Variants in SLC15A2 observed in about 807,000 individuals in gnomAD.
The protein encoded by SLC15A2 is solute carrier family 15 member 2, also known as kidney H(+)/peptide cotransporter.
Under a neutral mutation model 95.5 loss-of-function variants are expected in SLC15A2, and 77 were observed. That is an observed-to-expected ratio of 0.81 (90% CI 0.67 to 0.97). SLC15A2 has a LOEUF of 0.97. Among genes scored for constraint, SLC15A2 ranks in the 50% least tolerant of loss-of-function variants. SLC15A2 has a pLI of 0.00. For missense variants in SLC15A2, 893 were observed against 874.4 expected (o/e 1.02, Z -0.27); for synonymous variants, 306 against 306.9 (o/e 1.00, Z 0.03).
Position 121,927,738 on chromosome 3 carries a change from G to T in SLC15A2, c.1125-20G>T, listed in dbSNP as rs765043444. 2 of 1,588,972 alleles carry T rather than the reference G, an allele frequency of 1.3e-6. No homozygotes were observed. Among genetic ancestry groups the T allele is most frequent in the East Asian group, 4.5e-5 (2 of 44,712 alleles). On this transcript the variant is annotated intron_variant, in intron 13 of 21. Coordinates refer to ENST00000489711, the MANE Select transcript of SLC15A2 (RefSeq NM_021082.4). Reference sequence around the variant, plus strand: ...TAGAGTCTAAAGTTTAGATATAATTGTTTCTCCTTTCCACCACAGATCACT... The same window carrying T: ...TAGAGTCTAAAGTTTAGATATAATTTTTTCTCCTTTCCACCACAGATCACT...
chr3:121,907,118 C>T (rs1387239880), intron 3 of SLC15A2, among the ~76,000 whole-genome samples: 1 of 152,186 alleles, frequency 6.6e-6, no homozygotes, highest in Non-Finnish European at 1.5e-5. Flanking sequence ...ATCACTGATA[C>T]CCTTTTTTCC....
intron 17 of SLC15A2, 119 bp from the exon 18 acceptor site, chr3:121,930,721 C>T: frequency 1.6e-6 from 1 of 612,926 alleles, no homozygotes. Context: ...ATGTGCCAGC[C>T]ACTATCCTAG....
intron 2 of SLC15A2, 49 bp downstream of exon 2, chr3:121,896,542 C>T: frequency 2.1e-6 from 3 of 1,411,280 alleles, no homozygotes; most frequent in South Asian, 2.3e-5. Flanking sequence ...CCCACCCTCA[C>T]CCCATGTTTG....
intron 11 of SLC15A2, among the ~76,000 whole-genome samples, chr3:121,923,649 G>A (rs1307391177): frequency 1.3e-5 from 2 of 152,156 alleles, no homozygotes. Context: ...CACAGCAGGG[G>A]ACCTGTGGGA....
chr3:121,908,099 T>G (rs1709692158), intron 3 of SLC15A2, among the ~76,000 whole-genome samples: 1 of 152,154 alleles, frequency 6.6e-6, no homozygotes, highest in Non-Finnish European at 1.5e-5. Flanking sequence ...CAGATGCCCC[T>G]CCCCCTACTA....
chr3:121,916,804 G>T (rs1479606307), intron 7 of SLC15A2, among the ~76,000 whole-genome samples: 1 of 151,970 alleles, frequency 6.6e-6, no homozygotes, highest in Non-Finnish European at 1.5e-5. Flanking sequence ...ATCTTTTACT[G>T]TAATTAATTT....
intron 1 of SLC15A2, among the ~76,000 whole-genome samples, chr3:121,894,966 T>A (rs1441696387): frequency 6.6e-6 from 1 of 152,216 alleles, no homozygotes; most frequent in Non-Finnish European, 1.5e-5. Context: ...GTGCAGAGTC[T>A]TCTGCTGAAC....
chr3:121,907,912 T>C (rs1223829868), intron 3 of SLC15A2, among the ~76,000 whole-genome samples: 1 of 152,256 alleles, frequency 6.6e-6, no homozygotes, highest in Non-Finnish European at 1.5e-5. Context: ...TCTTCAGAGC[T>C]GTCAGACAGG....
intron 3 of SLC15A2, among the ~76,000 whole-genome samples, chr3:121,907,438 T>A (rs1325895489): frequency 6.6e-6 from 1 of 152,174 alleles, no homozygotes; most frequent in Non-Finnish European, 1.5e-5. Context: ...GGCACTCTGG[T>A]TTTTAGAATT....
At chr3:121,916,403 G>A (rs1709894644) in intron 7 of SLC15A2, among the ~76,000 whole-genome samples, 1 of 152,108 alleles carries the variant, frequency 6.6e-6, no homozygotes, top group Non-Finnish European at 1.5e-5. Flanking sequence ...CTGAGCCTCA[G>A]AGTGACACCC....
chr3:121,918,963 G>A (rs1352919527), intron 7 of SLC15A2, among the ~76,000 whole-genome samples: 1 of 152,156 alleles, frequency 6.6e-6, no homozygotes, highest in South Asian at 2.1e-4. Flanking sequence ...GGCCCACTGG[G>A]CTCGCTCAGC....
chr3:121,914,925 A>G, intron 5 of SLC15A2: 1 of 916,296 alleles, frequency 1.1e-6, no homozygotes, highest in Non-Finnish European at 1.3e-6. Flanking sequence ...ATGCAAAGAC[A>G]TTAATATTAG....
At chr3:121,924,420 T>C (rs1710070947) in intron 12 of SLC15A2, 37 bp downstream of exon 12, 14 of 1,577,732 alleles carry the variant, frequency 8.9e-6, no homozygotes, top group Non-Finnish European at 8.7e-6. Flanking sequence ...GACTTATTTG[T>C]TTCCTTATCT....
chr3:121,897,239 C>T lies in SLC15A2; in HGVS notation c.194-149C>T. On this transcript the variant is annotated intron_variant, in intron 2 of 21. Coordinates refer to ENST00000489711, the MANE Select transcript of SLC15A2 (RefSeq NM_021082.4). ...ATGGGGCCCTGCTTCTACTGCCTGGCAGTCACTTCTCAGTCATGTCACTGA... is the reference window on the plus strand; with the variant it reads ...ATGGGGCCCTGCTTCTACTGCCTGGTAGTCACTTCTCAGTCATGTCACTGA... 3.7e-6 allele frequency: 3 copies of T among 812,908 alleles called. No individual in the cohort carries two copies. The East Asian group carries it at 7.7e-5, about 21-fold the overall frequency. 50.4% of individuals were successfully genotyped at this position (812,908 alleles called of 1,614,324 possible).
chr3:121,915,472 C>A, intron 6 of SLC15A2, 144 bp from the exon 7 acceptor site: 5 of 793,220 alleles, frequency 6.3e-6, no homozygotes, highest in Middle Eastern at 4.7e-4. Flanking sequence ...AAAAGAAGAA[C>A]TATGGATTAG....
chr3:121,913,174 G>T lies in SLC15A2; in HGVS notation c.528+54G>T, dbSNP rs1262525991. 7 of 1,376,502 alleles carry T rather than the reference G, an allele frequency of 5.1e-6. No homozygotes were observed. The African/African-American group carries it at 8.5e-5, about 17-fold the overall frequency. The allele number at this position is 1,376,502 out of a possible 1,614,324, so 85.3% of individuals were successfully genotyped here. On this transcript the variant is annotated intron_variant, in intron 5 of 21. Coordinates refer to ENST00000489711, the MANE Select transcript of SLC15A2 (RefSeq NM_021082.4). Reference sequence around the variant, plus strand: ...AGAATATAGAGCCAGCATTAATGGGGGTATCTGGCAGGTAGCCATTTGCCA... The same window carrying T: ...AGAATATAGAGCCAGCATTAATGGGTGTATCTGGCAGGTAGCCATTTGCCA...
intron 11 of SLC15A2, 26 bp from the exon 12 acceptor site, chr3:121,924,325 T>G: frequency 6.2e-7 from 1 of 1,607,280 alleles, no homozygotes; most frequent in South Asian, 1.1e-5. Flanking sequence ...AGACATCAAC[T>G]AAATTAATTT....
chr3:121,928,933 T>A, intron 15 of SLC15A2, 49 bp from the exon 16 acceptor site: 2 of 1,585,852 alleles, frequency 1.3e-6, no homozygotes, highest in Non-Finnish European at 1.7e-6. Flanking sequence ...ATGTCCAATA[T>A]GCAGTAGAAG....
At chr3:121,936,151 C>A (rs560519528) in intron 19 of SLC15A2, among the ~76,000 whole-genome samples, 2 of 152,224 alleles carry the variant, frequency 1.3e-5, no homozygotes, top group African/African-American at 4.8e-5. Flanking sequence ...AATTTCTATT[C>A]TTTTACATTT....
Sources: gnomAD v4.1 joint callset for allele counts (sites outside exome capture counted in the v4.1 genomes callset) on GRCh38, gnomAD v4.1.1 for gene constraint, MANE v1.5 for transcripts, NCBI Gene and HGNC (gene_info 2026-07-23, HGNC 2026-07-21) for gene names.